PCDHGB2: variants seen among roughly 807,000 people sequenced by gnomAD.
PCDHGB2 encodes protocadherin gamma subfamily B, 2.
In PCDHGB2, 55 loss-of-function variants were observed where a neutral mutation model predicts 59.3. The ratio of observed to expected loss-of-function variants is 0.93; its 90% CI spans 0.75 to 1.16. PCDHGB2 has a LOEUF of 1.16. PCDHGB2 is among the 50% of genes most tolerant of loss of function. The pLI, the probability that PCDHGB2 is intolerant of heterozygous loss-of-function variation, is 0.00. For synonymous variants in PCDHGB2, 516 were observed against 512.0 expected (o/e 1.01, Z -0.11); for missense variants, 1,228 against 1,198.5 (o/e 1.02, Z -0.36).
At chr5:141,427,965 C>G in intron 1 of PCDHGB2, 1 of 1,590,342 alleles carries the variant, frequency 6.3e-7, no homozygotes, top group Non-Finnish European at 8.6e-7. Flanking sequence ...GCCGCGGGTG[C>G]TGTACCCCGC....
chr5:141,433,408 A>ATCTATCTATCT (rs1413347413), intron 1 of PCDHGB2, among the ~76,000 whole-genome samples: 6 of 127,280 alleles, frequency 4.7e-5, no homozygotes, highest in African/African-American at 1.8e-4. Context: ...TCTATCTATT[A>ATCTATCTATCT]CTTTCTTGTA....
In PCDHGB2 at chr5:141,410,139, T is replaced by C. The variant is rs73279096; in HGVS notation, c.2421+47583T>C. ...GCCCGCCAGCGCCTGCTGGTCGCTG[T>C]GCGTGACGGTGGACAGCCGCCACTC... On this transcript the variant is annotated intron_variant, in intron 1 of 3. Coordinates refer to ENST00000522605, the MANE Select transcript of PCDHGB2 (RefSeq NM_018923.3). The C allele has an allele frequency of 1.6e-4, 252 of 1,612,722 alleles. No individual in the cohort carries two copies. In the African/African-American group the frequency reaches 3.0e-3, roughly 19 times the overall value.
chr5:141,375,966 C>T lies in PCDHGB2; in HGVS notation c.2421+13410C>T, dbSNP rs373365863. ...GGCCTGCACACGGGCGAGGTGCGCACGGCGCGCGCCCTGCTGGACAGAGAC... is the reference window on the plus strand; with the variant it reads ...GGCCTGCACACGGGCGAGGTGCGCATGGCGCGCGCCCTGCTGGACAGAGAC... On this transcript the variant is annotated intron_variant, in intron 1 of 3. Transcript: ENST00000522605. 30 of 1,613,374 alleles carry T rather than the reference C, an allele frequency of 1.9e-5. No individual in the cohort carries two copies. The Admixed American group carries it at 2.3e-4, about 13-fold the overall frequency.
At chr5:141,410,078 G>A (rs1258292051) in intron 1 of PCDHGB2, 1 of 1,612,820 alleles carries the variant, frequency 6.2e-7, no homozygotes, top group Non-Finnish European at 8.5e-7. Flanking sequence ...CACTGGGGAG[G>A]TGCGCACGGC....
intron 1 of PCDHGB2, among the ~76,000 whole-genome samples, chr5:141,444,225 G>A (rs1307884592): frequency 8.0e-6 from 1 of 125,604 alleles, no homozygotes; most frequent in African/African-American, 3.1e-5. Context: ...AGGCTGGAGT[G>A]CAATGGCATG....
In PCDHGB2 at chr5:141,362,467, C is replaced by T. The variant is rs771966305; in HGVS notation, c.2332C>T (p.Gln778Ter). 3.6e-5 allele frequency: 58 copies of T among 1,614,052 alleles called. No homozygotes were observed. Among genetic ancestry groups the T allele is most frequent in the Middle Eastern group, 1.6e-4 (1 of 6,062 alleles). The change falls in exon 1 of 4, where the codon CAA becomes TAA. Residue 778 changes from glutamine (Q) to a stop codon, truncating the protein, a stop_gained. Coordinates refer to ENST00000522605, the MANE Select transcript of PCDHGB2 (RefSeq NM_018923.3). LOFTEE classifies it high-confidence loss of function. ...LNITPELVPA[Q>*]DLVCDNASWE... ...CATAACCCCGGAATTGGTTCCCGCG[C>T]AAGATCTCGTCTGTGACAATGCCTC...
chr5:141,455,254 G>T (rs936599726), intron 1 of PCDHGB2, among the ~76,000 whole-genome samples: 3 of 151,732 alleles, frequency 2.0e-5, no homozygotes, highest in African/African-American at 7.3e-5. Context: ...TAGTACAATC[G>T]CATTTCTTCC....
In PCDHGB2 at chr5:141,486,581, C is replaced by T; in HGVS notation, c.2422-8226C>T. 1 of 1,613,764 alleles carries T rather than the reference C, an allele frequency of 6.2e-7. No individual in the cohort carries two copies. The highest frequency in any genetic ancestry group is 1.1e-5 in the South Asian group (1 of 91,082). On this transcript the variant is annotated intron_variant, in intron 1 of 3. Coordinates refer to ENST00000522605, the MANE Select transcript of PCDHGB2 (RefSeq NM_018923.3). This position sits in a 1 kb window ranked among gnomAD's most constrained non-coding sequence, Gnocchi z 5.0. ...GGTGTTTGTTCCTGAGAACAATCGC[C>T]CAGGGGACCTGCTTTGCTCCCTTGC... is the stretch of plus-strand genomic sequence containing the variant.
At chr5:141,364,912 G>C (rs1763613717) in intron 1 of PCDHGB2, 1 of 1,613,966 alleles carries the variant, frequency 6.2e-7, no homozygotes, top group Non-Finnish European at 8.5e-7. Context: ...ATCCGGAGCT[G>C]GTGTTGGAAC....
chr5:141,409,659 A>C, intron 1 of PCDHGB2: 1 of 1,613,574 alleles, frequency 6.2e-7, no homozygotes, highest in Non-Finnish European at 8.5e-7. Flanking sequence ...CTCAATGGCC[A>C]CATCTCCTAC....
intron 1 of PCDHGB2, chr5:141,398,312 C>A: frequency 1.5e-6 from 2 of 1,355,208 alleles, no homozygotes; most frequent in East Asian, 2.5e-5. Flanking sequence ...CAGGAGTTAC[C>A]GACTCGAAAA....
chr5:141,410,078 G>T, intron 1 of PCDHGB2: 4 of 1,612,820 alleles, frequency 2.5e-6, no homozygotes, highest in East Asian at 2.2e-5. Flanking sequence ...CACTGGGGAG[G>T]TGCGCACGGC....
chr5:141,437,094 G>A (rs1183502010), intron 1 of PCDHGB2, among the ~76,000 whole-genome samples: 3 of 152,126 alleles, frequency 2.0e-5, no homozygotes, highest in African/African-American at 4.8e-5. Context: ...TGAAACTAAC[G>A]GCTTAGCTTT....
chr5:141,489,290 G>A lies in PCDHGB2; in HGVS notation c.2422-5517G>A. 6.3e-7 allele frequency: 1 copy of A among 1,577,514 alleles called. No individual in the cohort carries two copies. The highest frequency in any genetic ancestry group is 8.6e-7 in the Non-Finnish European group (1 of 1,162,002). ...CTCGCTGGGAAATGGCAAGTGCTGT[G>A]CATGTTGTCCTTGTGCTGCTGGGGC... On this transcript the variant is annotated intron_variant, in intron 1 of 3. Transcript: ENST00000522605. This position sits in a 1 kb window ranked among gnomAD's most constrained non-coding sequence, Gnocchi z 4.5.
chr5:141,392,869 T>G, intron 1 of PCDHGB2: 4 of 1,613,228 alleles, frequency 2.5e-6, no homozygotes, highest in Non-Finnish European at 3.4e-6. Flanking sequence ...CTGTGCGCGC[T>G]GCTGGGAACG....
intron 1 of PCDHGB2, among the ~76,000 whole-genome samples, chr5:141,453,643 T>G (rs1267570786): frequency 2.6e-5 from 4 of 152,240 alleles, no homozygotes; most frequent in Non-Finnish European, 5.9e-5. Flanking sequence ...TATATTTTCT[T>G]ATGTCCTCTT....
intron 1 of PCDHGB2, among the ~76,000 whole-genome samples, chr5:141,436,181 T>A (rs1050736907): frequency 1.3e-5 from 2 of 152,092 alleles, no homozygotes; most frequent in African/African-American, 4.8e-5. Context: ...TCATATATAG[T>A]CAAATAGAAA....
chr5:141,369,379 T>G (rs1268907990), intron 1 of PCDHGB2, among the ~76,000 whole-genome samples: 1 of 152,066 alleles, frequency 6.6e-6, no homozygotes, highest in Non-Finnish European at 1.5e-5. Flanking sequence ...TTGTAAAAGT[T>G]TTTCATTTGG....
intron 1 of PCDHGB2, chr5:141,424,160 C>A (rs187420643): frequency 6.3e-4 from 172 of 273,324 alleles, no homozygotes; most frequent in South Asian, 2.2e-3. Flanking sequence ...CTCTCCTTCT[C>A]ATCTATCTAT....
Sources: gnomAD v4.1 joint callset for allele counts (sites outside exome capture counted in the v4.1 genomes callset) on GRCh38, gnomAD v4.1.1 for gene constraint, Gnocchi (gnomAD v3.1) non-coding constraint, MANE v1.5 for transcripts, NCBI Gene and HGNC (gene_info 2026-07-23, HGNC 2026-07-21) for gene names.